The following SNTB1 variants were observed in gnomAD, a reference collection of about 807,000 sequenced individuals.
SNTB1 encodes the protein syntrophin beta 1.
SNTB1 carries 36 observed loss-of-function variants against 48.9 expected under a neutral mutation model. That is an observed-to-expected ratio of 0.74 (90% confidence interval 0.56 to 0.97). The LOEUF is 0.97. SNTB1 is among the 50% of genes least tolerant of loss of function. SNTB1 has a pLI of 0.00. For missense variants in SNTB1, 786 were observed against 703.4 expected, an observed-to-expected ratio of 1.12 and a Z score of -1.33; for synonymous variants, 299 against 294.6, an observed-to-expected ratio of 1.01 and a Z score of -0.15.
In SNTB1 at chr8:120,765,077, T is replaced by A. The variant is rs543490684; in HGVS notation, c.571+46196A>T. Among the ~76,000 whole-genome samples, 299 of 152,146 alleles carry A rather than the reference T, an allele frequency of 2.0e-3. 1 individual carries two copies. Among genetic ancestry groups the A allele is most frequent in the Non-Finnish European group, 3.8e-3 (257 of 67,978 alleles). On this transcript the variant is annotated intron_variant, in intron 1 of 6. Coordinates refer to ENST00000517992, the MANE Select transcript of SNTB1 (RefSeq NM_021021.4). Reference sequence around the variant, plus strand: ...CCCATCACTACTAAAAATAAAAATTTAGCCGGGCATGGCAGCAGGCACCTG... The same window carrying A: ...CCCATCACTACTAAAAATAAAAATTAAGCCGGGCATGGCAGCAGGCACCTG...
At chr8:120,564,912 G>T (rs894423910) in intron 4 of SNTB1, among the ~76,000 whole-genome samples, 2 of 152,088 alleles carry the variant, frequency 1.3e-5, no homozygotes, top group African/African-American at 4.8e-5. Flanking sequence ...TCAGAGAGAA[G>T]ACGTCACTTG....
chr8:120,689,927 T>C (rs1321120350), intron 2 of SNTB1, among the ~76,000 whole-genome samples: 1 of 152,234 alleles, frequency 6.6e-6, no homozygotes, highest in Non-Finnish European at 1.5e-5. Context: ...AAGTGTATTC[T>C]CTATTATCAG....
At chr8:120,773,216 G>A (rs1314465083) in intron 1 of SNTB1, among the ~76,000 whole-genome samples, 4 of 152,126 alleles carry the variant, frequency 2.6e-5, no homozygotes, top group Admixed American at 1.3e-4. Flanking sequence ...ATTTTGAAGT[G>A]GGTTTTAAAG....
intron 5 of SNTB1, among the ~76,000 whole-genome samples, chr8:120,543,937 G>A (rs1379063704): frequency 6.8e-6 from 1 of 146,490 alleles, no homozygotes; most frequent in Non-Finnish European, 1.5e-5. Flanking sequence ...TGATAGCACT[G>A]CCTCCCTGTC....
chr8:120,650,757 C>T (rs1166215579), intron 2 of SNTB1, among the ~76,000 whole-genome samples: 2 of 152,132 alleles, frequency 1.3e-5, no homozygotes, highest in East Asian at 3.8e-4. Context: ...ATGCATGTTC[C>T]AGAAGAGAAA....
At chr8:120,610,998 C>G (rs1458042148) in intron 3 of SNTB1, among the ~76,000 whole-genome samples, 2 of 152,134 alleles carry the variant, frequency 1.3e-5, no homozygotes, top group African/African-American at 4.8e-5. Flanking sequence ...TGGGGGAAAA[C>G]AGACAAAGGT....
intron 2 of SNTB1, among the ~76,000 whole-genome samples, chr8:120,675,333 C>T (rs1013222650): frequency 1.3e-5 from 2 of 152,164 alleles, no homozygotes; most frequent in Admixed American, 6.5e-5. Context: ...TTGATGAACT[C>T]TTAGTACATT....
chr8:120,623,950 T>G (rs977862514), intron 3 of SNTB1, among the ~76,000 whole-genome samples: 3 of 152,088 alleles, frequency 2.0e-5, no homozygotes, highest in Non-Finnish European at 4.4e-5. Context: ...GTTTGTTTGT[T>G]TTTTTGAGAC....
chr8:120,712,924 C>T (rs1235176926), intron 1 of SNTB1, among the ~76,000 whole-genome samples: 5 of 152,098 alleles, frequency 3.3e-5, no homozygotes, highest in East Asian at 1.9e-4. Context: ...TTACACATGC[C>T]GCACACCTGT....
intron 3 of SNTB1, among the ~76,000 whole-genome samples, chr8:120,580,970 C>T (rs1323464093): frequency 1.3e-5 from 2 of 151,744 alleles, no homozygotes; most frequent in Non-Finnish European, 2.9e-5. Context: ...ACGTCTGTAA[C>T]CCCAGCTACT....
chr8:120,787,404 A>G (rs577442179), intron 1 of SNTB1, among the ~76,000 whole-genome samples: 2 of 152,296 alleles, frequency 1.3e-5, no homozygotes, highest in African/African-American at 4.8e-5. Context: ...AACCAGATAA[A>G]AAATTCAAAA....
chr8:120,730,382 T>G (rs570579930), intron 1 of SNTB1, among the ~76,000 whole-genome samples: 1 of 152,248 alleles, frequency 6.6e-6, no homozygotes, highest in South Asian at 2.1e-4. Flanking sequence ...AGAGTAGGGT[T>G]TCGCCATGTT....
At chr8:120,659,226 A>G (rs1563844180) in intron 2 of SNTB1, among the ~76,000 whole-genome samples, 2 of 152,178 alleles carry the variant, frequency 1.3e-5, no homozygotes, top group Non-Finnish European at 1.5e-5. Flanking sequence ...GGCCTCCCAA[A>G]GTGTTGAGAT....
At chr8:120,553,663 T>G (rs1815518868) in intron 4 of SNTB1, among the ~76,000 whole-genome samples, 1 of 152,202 alleles carries the variant, frequency 6.6e-6, no homozygotes, top group South Asian at 2.1e-4. Flanking sequence ...TAGAGCAATT[T>G]TATGGCTGAT....
chr8:120,548,961 GGAGAGAGA>G lies in SNTB1; in HGVS notation c.1137-11_1137-4del. On this transcript the variant is annotated splice_polypyrimidine_tract_variant and splice_region_variant and intron_variant, in intron 4 of 6. Coordinates refer to ENST00000517992, the MANE Select transcript of SNTB1 (RefSeq NM_021021.4). ...TTCCTGGACCTGAATGGACCAGCCT[GGAGAGAGA>G]GAGAGAGAGACATCATCAAAATGGA... 6.6e-7 allele frequency: 1 copy of G among 1,516,884 alleles called. No individual in the cohort carries two copies. Among genetic ancestry groups the G allele is most frequent in the South Asian group, 1.3e-5 (1 of 78,000 alleles). 94.0% of individuals were successfully genotyped at this position (1,516,884 alleles called of 1,614,324 possible). A position where few individuals can be genotyped will look rare whatever the true frequency, so the allele number is the denominator to read the frequency against.
chr8:120,633,598 C>T (rs185125069), intron 2 of SNTB1, among the ~76,000 whole-genome samples: 1,993 of 151,850 alleles, frequency 0.013, 49 homozygotes, highest in African/African-American at 0.045. Flanking sequence ...GAGTAAGACT[C>T]GGTCTCAAAT....
chr8:120,611,587 G>GC (rs1816623552), intron 3 of SNTB1, among the ~76,000 whole-genome samples: 3 of 151,918 alleles, frequency 2.0e-5, no homozygotes, highest in South Asian at 4.2e-4. Context: ...ACTTTGGGAG[G>GC]CGAGGTGGGC....
intron 3 of SNTB1, among the ~76,000 whole-genome samples, chr8:120,598,732 G>C (rs574529626): frequency 6.6e-6 from 1 of 152,306 alleles, no homozygotes; most frequent in East Asian, 1.9e-4. Flanking sequence ...GAAAGTCAAA[G>C]CATCCTCAGG....
intron 2 of SNTB1, among the ~76,000 whole-genome samples, chr8:120,690,106 G>A (rs1311073084): frequency 6.6e-6 from 1 of 152,190 alleles, no homozygotes; most frequent in African/African-American, 2.4e-5. Flanking sequence ...TTGAGAGACA[G>A]AGAGACCATA....
Sources: allele counts gnomAD v4.1 joint callset (sites outside exome capture counted in the v4.1 genomes callset), GRCh38; gene constraint gnomAD v4.1.1; transcripts MANE v1.5; gene names NCBI Gene and HGNC (gene_info 2026-07-23, HGNC 2026-07-21).